The following VWA5B1 variants were observed in gnomAD, a reference collection of about 807,000 sequenced individuals.
The protein encoded by VWA5B1 is von Willebrand factor A domain-containing protein 5B1.
A neutral mutation model predicts 118.2 loss-of-function variants in VWA5B1; 115 were observed. That is an observed-to-expected ratio of 0.97 (90% CI 0.84 to 1.14). VWA5B1 has a LOEUF of 1.14. Ranked by LOEUF, VWA5B1 falls within the 50% of genes most tolerant of loss-of-function variation. VWA5B1 has a pLI of 0.00. For missense variants in VWA5B1, 1,596 were observed against 1,603.8 expected, an observed-to-expected ratio of 1.00 and a Z score of 0.08; for synonymous variants, 682 against 658.4, an observed-to-expected ratio of 1.04 and a Z score of -0.55.
At chr1:20,344,141 TC>T (rs1446398161) in intron 16 of VWA5B1, among the ~76,000 whole-genome samples, 1 of 149,470 alleles carries the variant, frequency 6.7e-6, no homozygotes, top group Non-Finnish European at 1.5e-5. Context: ...TCCCCCTGCC[TC>T]CGAGTAAGTG....
chr1:20,350,798 G>A, intron 19 of VWA5B1, 59 bp from the exon 20 acceptor site: 4 of 1,503,938 alleles, frequency 2.7e-6, no homozygotes, highest in Non-Finnish European at 3.6e-6. Flanking sequence ...CAGTTGGTCA[G>A]TGAGCAGTTG....
chr1:20,317,077 A>G (rs946217194), intron 4 of VWA5B1, among the ~76,000 whole-genome samples: 2 of 147,276 alleles, frequency 1.4e-5, no homozygotes, highest in Non-Finnish European at 3.0e-5. Flanking sequence ...AATGGTGTGA[A>G]CCCGGGAGGC....
At position 20,336,330 on chromosome 1, in the gene VWA5B1, C is replaced by T. The variant is rs773251106; in HGVS notation, c.1786C>T (p.His596Tyr). Residue 596 changes from histidine to tyrosine, a missense_variant, in exon 13 of 22, where the codon CAC (histidine) becomes TAC (tyrosine). By Grantham distance (83) the His-to-Tyr change is moderately conservative. Transcript: ENST00000289815. The part of the protein sequence containing the change: ...SDKRRRYSML[H>Y]SQESGSSVFY... ...CAAGAGGCGCCGGTACAGCATGCTGCACTCTCAGGAGTCTGGCAGCTCTGT... is the reference window on the plus strand; with the variant it reads ...CAAGAGGCGCCGGTACAGCATGCTGTACTCTCAGGAGTCTGGCAGCTCTGT... 6.6e-6 allele frequency: 10 copies of T among 1,508,790 alleles called. No homozygotes were observed. Among genetic ancestry groups the T allele is most frequent in the Admixed American group, 2.1e-5 (1 of 46,734 alleles). The allele number at this position is 1,508,790 out of a possible 1,614,324, so 93.5% of individuals were successfully genotyped here.
In VWA5B1 at chr1:20,330,337, CA is replaced by C. The variant is rs1301993967; in HGVS notation, c.1413del (p.Lys473ArgfsTer29). ...ATCACAGATGGCGCTGTCAACAACA[CA>C]GGGAAGGTGCTGGAGCTGGTGCGAA... The part of the protein sequence containing the change: ...FVITDGAVNN[T>X]GKVLELVRNH... On this transcript the variant is annotated frameshift_variant, in exon 10 of 22. Transcript: ENST00000289815. LOFTEE classifies it high-confidence loss of function. 24 of 1,551,692 alleles carry C rather than the reference CA, an allele frequency of 1.5e-5. No individual in the cohort carries two copies. The Admixed American group carries it at 4.3e-4, about 28-fold the overall frequency.
chr1:20,336,819 C>T (rs191173855), intron 13 of VWA5B1, among the ~76,000 whole-genome samples: 1 of 152,328 alleles, frequency 6.6e-6, no homozygotes, highest in Non-Finnish European at 1.5e-5. Flanking sequence ...GACATGTCCC[C>T]TGCCCTTCCG....
At chr1:20,305,789 G>A (rs2088634547) in intron 1 of VWA5B1, among the ~76,000 whole-genome samples, 1 of 151,818 alleles carries the variant, frequency 6.6e-6, no homozygotes, top group Non-Finnish European at 1.5e-5. Context: ...TTTGGGCCAT[G>A]GTACATAAAA....
intron 8 of VWA5B1, among the ~76,000 whole-genome samples, chr1:20,327,664 A>ATGGTGGTGGTGG (rs112567851): frequency 6.9e-6 from 1 of 144,802 alleles, no homozygotes; most frequent in African/African-American, 2.5e-5. Context: ...GATGATGATG[A>ATGGTGGTGGTGG]TGGTGGTGGT....
chr1:20,318,659 T>A lies in VWA5B1; in HGVS notation c.779T>A (p.Ile260Asn). Residue 260 changes from isoleucine to asparagine, a missense_variant, in exon 6 of 22, where the codon ATC becomes AAC. Ile to Asn is a moderately radical substitution (Grantham distance 149). Coordinates refer to ENST00000289815, the MANE Select transcript of VWA5B1 (RefSeq NM_001039500.3). ...APSARSAKSI[I>N]ITLANKHTFD... ...TCTGCCCGCTCGGCCAAGAGCATCA[T>A]CATCACCTTGGCCAACAAGCACACC... The A allele has an allele frequency of 6.5e-7, 1 of 1,549,070 alleles. No homozygotes were observed. Among genetic ancestry groups the A allele is most frequent in the Non-Finnish European group, 8.7e-7 (1 of 1,145,372 alleles).
Position 20,343,405 on chromosome 1 carries a change from G to C in VWA5B1, c.2626+12G>C. 5 of 1,499,044 alleles carry C rather than the reference G, an allele frequency of 3.3e-6. No individual in the cohort carries two copies. The highest frequency in any genetic ancestry group is 4.4e-6 in the Non-Finnish European group (5 of 1,125,298). The allele number at this position is 1,499,044 out of a possible 1,614,324, so 92.9% of individuals were successfully genotyped here. ...CGAGATCGAGCAGGGTGAGCGCCAC[G>C]GAACTGCGCCCCTCCCGCGGACGGC... On this transcript the variant is annotated intron_variant, in intron 16 of 21. Coordinates refer to ENST00000289815, the MANE Select transcript of VWA5B1 (RefSeq NM_001039500.3).
At chr1:20,312,223 A>G (rs936124904) in intron 2 of VWA5B1, among the ~76,000 whole-genome samples, 6 of 152,238 alleles carry the variant, frequency 3.9e-5, no homozygotes, top group Non-Finnish European at 7.3e-5. Context: ...GCATTTTAAC[A>G]AAATCCAAGG....
intron 1 of VWA5B1, among the ~76,000 whole-genome samples, chr1:20,305,695 G>A (rs942076098): frequency 3.3e-5 from 5 of 152,056 alleles, no homozygotes; most frequent in Middle Eastern, 6.3e-3. Flanking sequence ...AGCTGACTCA[G>A]GGGCACAGAA....
At chr1:20,348,523 C>G (rs2090056710) in intron 18 of VWA5B1, 165 bp downstream of exon 18, 1 of 714,456 alleles carries the variant, frequency 1.4e-6, no homozygotes, top group African/African-American at 1.8e-5. Context: ...CTCTCTGAAG[C>G]CTAAGAGGGA....
chr1:20,318,609 T>C lies in VWA5B1; in HGVS notation c.729T>C (p.His243=). The part of the protein sequence containing the change: ...CLLAGVESPT[H]EIRADAAPSA... ...ACTCAGGGGTGGAGAGTCCCACTCA[T>C]GAGATTCGTGCCGACGCCGCCCCAT... Residue 243 remains histidine (H), a synonymous_variant, in exon 6 of 22, where the codon CAT becomes CAC. Coordinates refer to ENST00000289815, the MANE Select transcript of VWA5B1 (RefSeq NM_001039500.3). The C allele has an allele frequency of 6.5e-7, 1 of 1,548,036 alleles. No homozygotes were observed. Among genetic ancestry groups the C allele is most frequent in the Non-Finnish European group, 8.7e-7 (1 of 1,144,568 alleles).
chr1:20,305,923 G>A (rs2088639120), intron 1 of VWA5B1, among the ~76,000 whole-genome samples: 1 of 152,022 alleles, frequency 6.6e-6, no homozygotes. Context: ...TGACCAGCCT[G>A]GCATTGTGAT....
chr1:20,305,830 C>T (rs1224290209), intron 1 of VWA5B1, among the ~76,000 whole-genome samples: 1 of 151,996 alleles, frequency 6.6e-6, no homozygotes, highest in Non-Finnish European at 1.5e-5. Flanking sequence ...GATTGAACCT[C>T]CATAGCTTCT....
intron 5 of VWA5B1, 104 bp from the exon 6 acceptor site, chr1:20,318,486 G>A (rs889956641): frequency 2.0e-6 from 3 of 1,499,048 alleles, no homozygotes; most frequent in Non-Finnish European, 1.8e-6. Context: ...TAACGGGGCT[G>A]GCATGTCACT....
rs2088821606 is a variant in VWA5B1 at position 20,310,682 on chromosome 1, T to A, written c.81T>A (p.Tyr27Ter). The A allele has an allele frequency of 1.3e-6, 2 of 1,551,178 alleles. No individual in the cohort carries two copies. Among genetic ancestry groups the A allele is most frequent in the Non-Finnish European group, 1.7e-6 (2 of 1,146,822 alleles). Residue 27 changes from tyrosine to a stop codon, truncating the protein, a stop_gained, in exon 2 of 22, where the codon TAT becomes TAA. Coordinates refer to ENST00000289815, the MANE Select transcript of VWA5B1 (RefSeq NM_001039500.3). LOFTEE classifies it high-confidence loss of function. ...ASDVTSCVSG[Y>*]ALGLTASLTY... ...ATGTTACCTCCTGTGTCAGCGGTTATGCCCTGGGCCTAACTGCCTCCCTCA... is the reference window on the plus strand; with the variant it reads ...ATGTTACCTCCTGTGTCAGCGGTTAAGCCCTGGGCCTAACTGCCTCCCTCA...
intron 1 of VWA5B1, among the ~76,000 whole-genome samples, chr1:20,291,359 T>TCTCTCTCTCTCTCTCTCTCTCTCTCTC (rs2088297636): frequency 1.9e-5 from 2 of 103,342 alleles, no homozygotes; most frequent in African/African-American, 7.3e-5. Context: ...CTTTCTTTCT[T>TCTCTCTCTCTCTCTCTCTCTCTCTCTC]TCTCTCTCTC....
At chr1:20,301,426 AAAG>A (rs1459300894) in intron 1 of VWA5B1, among the ~76,000 whole-genome samples, 1 of 152,254 alleles carries the variant, frequency 6.6e-6, no homozygotes, top group Non-Finnish European at 1.5e-5. Flanking sequence ...ACTGAATTTC[AAAG>A]AAGCATCCAA....
Sources: allele counts gnomAD v4.1 joint callset (sites outside exome capture counted in the v4.1 genomes callset), GRCh38; gene constraint gnomAD v4.1.1; transcripts MANE v1.5; gene names NCBI Gene and HGNC (gene_info 2026-07-23, HGNC 2026-07-21).